Variants in CSNK2B observed in about 807,000 individuals in gnomAD.
CSNK2B encodes the protein casein kinase II subunit beta.
In CSNK2B, 2 loss-of-function variants were observed where a neutral mutation model predicts 28.8. The observed-to-expected ratio is 0.07, with a 90% confidence interval of 0.03 to 0.22. CSNK2B has a LOEUF of 0.22. Ranked by LOEUF, CSNK2B falls within the 10% of genes least tolerant of loss-of-function variation. CSNK2B has a pLI of 1.00. For synonymous variants in CSNK2B, 89 were observed against 96.1 expected, an observed-to-expected ratio of 0.93 and a Z score of 0.43; for missense variants, 107 against 277.9, an observed-to-expected ratio of 0.39 and a Z score of 4.37.
intron 4 of CSNK2B, 150 bp downstream of exon 4, chr6:31,668,804 T>A (rs1376213754): frequency 1.4e-6 from 1 of 698,342 alleles, no homozygotes; most frequent in Non-Finnish European, 2.5e-6. Flanking sequence ...TGAATTCTGA[T>A]TGGGGGTCAT....
intron 4 of CSNK2B, 170 bp downstream of exon 4, chr6:31,668,824 A>T: frequency 3.1e-6 from 2 of 649,928 alleles, no homozygotes. Context: ...TCCTGAAGGG[A>T]TTGTTTTCAG....
chr6:31,668,004 C>G, intron 3 of CSNK2B, 34 bp downstream of exon 3: 1 of 1,364,750 alleles, frequency 7.3e-7, no homozygotes, highest in Non-Finnish European at 1.0e-6. Flanking sequence ...TGTGTGTGTG[C>G]GTGCACTATT....
intron 2 of CSNK2B, chr6:31,667,210 C>T (rs1386247498): frequency 1.8e-6 from 1 of 546,304 alleles, no homozygotes; most frequent in Admixed American, 2.2e-5. Flanking sequence ...CGGCTTACTG[C>T]CACCTCTGCC....
In CSNK2B at chr6:31,669,578, G is replaced by A; in HGVS notation, c.557+70G>A. On this transcript the variant is annotated intron_variant, in intron 6 of 6. Coordinates refer to ENST00000375882, the MANE Select transcript of CSNK2B (RefSeq NM_001320.7). The surrounding 1 kb of genome is among the most constrained non-coding windows in gnomAD (Gnocchi z 4.8). ...GATCCCCCAGAGAGGGGAGGACAGG[G>A]CATGGCCCTTTCTTGAGGTCTGCTT... The A allele has an allele frequency of 1.3e-6, 2 of 1,512,018 alleles. No individual in the cohort carries two copies. Among genetic ancestry groups the A allele is most frequent in the Non-Finnish European group, 1.8e-6 (2 of 1,122,022 alleles). 93.7% of individuals were successfully genotyped at this position (1,512,018 alleles called of 1,614,324 possible). A position where few individuals can be genotyped will look rare whatever the true frequency, so the allele number is the denominator to read the frequency against.
intron 2 of CSNK2B, 137 bp from the exon 3 acceptor site, chr6:31,667,731 T>G: frequency 2.0e-6 from 1 of 495,552 alleles, no homozygotes; most frequent in Non-Finnish European, 3.5e-6. Flanking sequence ...ACACAAGTAC[T>G]TCTGCTGAGT....
At position 31,669,025 on chromosome 6, in the gene CSNK2B, G is replaced by A; in HGVS notation, c.292-72G>A. The A allele has an allele frequency of 9.0e-7, 1 of 1,112,096 alleles. No homozygotes were observed. The highest frequency in any genetic ancestry group is 1.4e-6 in the Non-Finnish European group (1 of 727,178). 68.9% of individuals were successfully genotyped at this position (1,112,096 alleles called of 1,614,324 possible). ...GGAGGAGTGGGGGACAGAGTGGTATGGGTTGGGCTGCGAAGGGAGTTGCCT... is the reference window on the plus strand; with the variant it reads ...GGAGGAGTGGGGGACAGAGTGGTATAGGTTGGGCTGCGAAGGGAGTTGCCT... On this transcript the variant is annotated intron_variant, in intron 4 of 6. Transcript: ENST00000375882. The surrounding 1 kb of genome is among the most constrained non-coding windows in gnomAD (Gnocchi z 4.8).
At chr6:31,668,131 T>G (rs1295733320) in intron 3 of CSNK2B, 161 bp downstream of exon 3, 2 of 690,740 alleles carry the variant, frequency 2.9e-6, no homozygotes, top group East Asian at 2.7e-5. Context: ...TTGTCTAGTT[T>G]TGTGACGTAT....
In CSNK2B at chr6:31,666,894, C is replaced by A; in HGVS notation, c.63C>A (p.Phe21Leu). 1.2e-6 allele frequency: 2 copies of A among 1,613,966 alleles called. No individual in the cohort carries two copies. The highest frequency in any genetic ancestry group is 1.7e-6 in the Non-Finnish European group (2 of 1,179,860). ...TCTGTGGGCTCCGTGGCAATGAATTCTTCTGTGAAGTGAGTTCTCTTCAAC... is the reference window on the plus strand; with the variant it reads ...TCTGTGGGCTCCGTGGCAATGAATTATTCTGTGAAGTGAGTTCTCTTCAAC... ...SWFCGLRGNE[F>L]FCEVDEDYIQ... is the part of the protein sequence containing the mutation. Residue 21 changes from phenylalanine to leucine, a missense_variant, in exon 2 of 7, where the codon TTC becomes TTA. By Grantham distance (22) the Phe-to-Leu change is conservative. Transcript: ENST00000375882.
Position 31,666,863 on chromosome 6 carries a change from C to G in CSNK2B, c.32C>G (p.Ser11Cys). MSSSEEVSWI[S>C]WFCGLRGNEF... ...AGCTCAGAGGAGGTGTCCTGGATTT[C>G]CTGGTTCTGTGGGCTCCGTGGCAAT... The change falls in exon 2 of 7, where the codon TCC becomes TGC. Residue 11 changes from serine (S) to cysteine (C), a missense_variant. By Grantham distance (112) the Ser-to-Cys change is moderately radical. Transcript: ENST00000375882. 6.2e-7 allele frequency: 1 copy of G among 1,614,106 alleles called. No homozygotes were observed. The highest frequency in any genetic ancestry group is 8.5e-7 in the Non-Finnish European group (1 of 1,179,996).
intron 2 of CSNK2B, 131 bp downstream of exon 2, chr6:31,667,034 C>G (rs1562046362): frequency 1.2e-6 from 1 of 822,822 alleles, no homozygotes; most frequent in Non-Finnish European, 2.0e-6. Flanking sequence ...AGAGTCCCCC[C>G]TATAAACCCC....
At chr6:31,667,324 G>A (rs1022920521) in intron 2 of CSNK2B, 1 of 367,198 alleles carries the variant, frequency 2.7e-6, no homozygotes, top group Admixed American at 3.6e-5. Context: ...TAGAGACAGG[G>A]TTTCACTATG....
At position 31,670,061 on chromosome 6, in the gene CSNK2B, A is replaced by G; in HGVS notation, c.*135A>G. ...GGGAATATGAAATAAAGTAGAAGAA[A>G]AGGCCATGAGCTAGTCTGCTGGTGC... is the stretch of plus-strand genomic sequence containing the variant. On this transcript the variant is annotated 3_prime_UTR_variant, in exon 7 of 7. Transcript: ENST00000375882. 1.3e-6 allele frequency: 1 copy of G among 759,880 alleles called. No individual in the cohort carries two copies. Among genetic ancestry groups the G allele is most frequent in the Middle Eastern group, 2.4e-4 (1 of 4,200 alleles). The allele number at this position is 759,880 out of a possible 1,614,324, so 47.1% of individuals were successfully genotyped here.
rs1477555930 is a variant in CSNK2B at position 31,669,268 on chromosome 6, T to C, written c.368-51T>C. ...TTGGAGCCTGAGTCCTGAGGGGAGG[T>C]TAGGTAGGAATAGGGGGATACCTGG... On this transcript the variant is annotated intron_variant, in intron 5 of 6. Transcript: ENST00000375882. This position sits in a 1 kb window ranked among gnomAD's most constrained non-coding sequence, Gnocchi z 4.8. The C allele has an allele frequency of 6.3e-7, 1 of 1,598,956 alleles. No homozygotes were observed. The highest frequency in any genetic ancestry group is 1.3e-5 in the African/African-American group (1 of 74,142).
rs144120994 is a variant in CSNK2B at position 31,669,917 on chromosome 6, G to T, written c.639G>T (p.Thr213=). 1.9e-5 allele frequency: 30 copies of T among 1,612,450 alleles called. No homozygotes were observed. The African/African-American group carries it at 3.7e-4, about 20-fold the overall frequency. The change falls in exon 7 of 7, where the codon ACG becomes ACT. Residue 213 remains threonine, a synonymous_variant. Coordinates refer to ENST00000375882, the MANE Select transcript of CSNK2B (RefSeq NM_001320.7). The surrounding 1 kb of genome is among the most constrained non-coding windows in gnomAD (Gnocchi z 4.8). ...GCAACTTCAAGAGCCCAGTCAAGACGATTCGCTGATTCCCTCCCCCACCTG... is the reference window on the plus strand; with the variant it reads ...GCAACTTCAAGAGCCCAGTCAAGACTATTCGCTGATTCCCTCCCCCACCTG... ...AASNFKSPVK[T]IR
In CSNK2B at chr6:31,666,096, A is replaced by G. The variant is rs954580020; in HGVS notation, c.-124A>G. On this transcript the variant is annotated 5_prime_UTR_variant, in exon 1 of 7. Coordinates refer to ENST00000375882, the MANE Select transcript of CSNK2B (RefSeq NM_001320.7). ...ACCCTCCCTAATTTCCACTCCCCCC[A>G]CCCCACTTCGCCTGCCGCGGTCGGG... The G allele has an allele frequency of 5.3e-6, 5 of 945,506 alleles. No individual in the cohort carries two copies. Among genetic ancestry groups the G allele is most frequent in the African/African-American group, 4.4e-5 (2 of 45,370 alleles). The allele number at this position is 945,506 out of a possible 1,614,324, so 58.6% of individuals were successfully genotyped here.
At chr6:31,668,032 A>G in intron 3 of CSNK2B, 62 bp downstream of exon 3, 1 of 1,127,066 alleles carries the variant, frequency 8.9e-7, no homozygotes, top group Non-Finnish European at 1.3e-6. Flanking sequence ...TCAAATCTCT[A>G]TTCACTTGCC....
In CSNK2B at chr6:31,669,614, C is replaced by T. The variant is rs1216464384; in HGVS notation, c.557+106C>T. ...TCTTGAGGTCTGCTTCTCCCAGAAT[C>T]AGGGCATCTCCCTGCTGAGTGACTG... On this transcript the variant is annotated intron_variant, in intron 6 of 6. Coordinates refer to ENST00000375882, the MANE Select transcript of CSNK2B (RefSeq NM_001320.7). The surrounding 1 kb of genome is among the most constrained non-coding windows in gnomAD (Gnocchi z 4.8). 4.0e-6 allele frequency: 5 copies of T among 1,264,614 alleles called. No individual in the cohort carries two copies. The highest frequency in any genetic ancestry group is 5.5e-6 in the Non-Finnish European group (5 of 910,916). 78.3% of individuals were successfully genotyped at this position (1,264,614 alleles called of 1,614,324 possible).
intron 3 of CSNK2B, chr6:31,668,257 T>A (rs1801936508): frequency 3.3e-6 from 2 of 600,604 alleles, no homozygotes; most frequent in South Asian, 4.1e-5. Flanking sequence ...GTCTAGAATT[T>A]CATCTTCTGC....
At chr6:31,666,232 C>T in intron 1 of CSNK2B, 24 bp downstream of exon 1, 1 of 981,894 alleles carries the variant, frequency 1.0e-6, no homozygotes, top group Non-Finnish European at 1.2e-6. Context: ...CGTCGCTGCT[C>T]CGAGTCCCTT....
Sources: gnomAD v4.1 joint callset for allele counts on GRCh38, gnomAD v4.1.1 for gene constraint, Gnocchi (gnomAD v3.1) non-coding constraint, MANE v1.5 for transcripts, NCBI Gene and HGNC (gene_info 2026-07-23, HGNC 2026-07-21) for gene names.